PPARGC1A: variants seen among roughly 807,000 people sequenced by gnomAD.
PPARGC1A encodes the protein peroxisome proliferator-activated receptor gamma coactivator 1-alpha.
In PPARGC1A, 25 loss-of-function variants were observed where a neutral mutation model predicts 88.7. The ratio of observed to expected loss-of-function variants is 0.28; its 90% CI spans 0.21 to 0.39. The LOEUF (loss-of-function observed/expected upper bound fraction) is 0.39, where lower values mean the gene tolerates loss of function less well. PPARGC1A is among the 10% of genes least tolerant of loss of function. PPARGC1A has a pLI of 1.00. For missense variants in PPARGC1A, 880 were observed against 968.7 expected (o/e 0.91, Z 1.22); for synonymous variants, 363 against 355.6 (o/e 1.02, Z -0.24).
chr4:24,009,810 C>T, the PPARGC1A span, among the ~76,000 whole-genome samples: 3 of 152,164 alleles, frequency 2.0e-5, no homozygotes, highest in Non-Finnish European at 4.4e-5. Context: ...TCATTCCCAC[C>T]TTTATTGGGA....
At chr4:24,250,969 T>C in the PPARGC1A span, among the ~76,000 whole-genome samples, 1 of 152,216 alleles carries the variant, frequency 6.6e-6, no homozygotes, top group African/African-American at 2.4e-5. Flanking sequence ...GCCAAACTCA[T>C]CTGGGGAACA....
chr4:24,133,816 T>C, the PPARGC1A span, among the ~76,000 whole-genome samples: 4 of 152,352 alleles, frequency 2.6e-5, no homozygotes, highest in South Asian at 8.3e-4. Context: ...GTTCTGTAGT[T>C]AATGTCCCAG....
chr4:23,838,571 G>T (rs1384010941), intron 2 of PPARGC1A, among the ~76,000 whole-genome samples: 2 of 152,088 alleles, frequency 1.3e-5, no homozygotes, highest in African/African-American at 4.8e-5. Flanking sequence ...AATGCTTTTT[G>T]TCCACTCATT....
chr4:24,314,469 G>A, the PPARGC1A span, among the ~76,000 whole-genome samples: 1 of 152,122 alleles, frequency 6.6e-6, no homozygotes, highest in East Asian at 1.9e-4. Context: ...TAAGGAATGG[G>A]CTCTTACCAG....
the PPARGC1A span, among the ~76,000 whole-genome samples, chr4:24,135,199 G>T: frequency 6.6e-6 from 1 of 151,896 alleles, no homozygotes; most frequent in African/African-American, 2.4e-5. Context: ...GTGCAATTTG[G>T]CACCACCAAT....
chr4:24,210,809 G>A, the PPARGC1A span, among the ~76,000 whole-genome samples: 2 of 152,174 alleles, frequency 1.3e-5, no homozygotes, highest in South Asian at 4.1e-4. Flanking sequence ...TCAAAAGCAG[G>A]CGGGAGCTGC....
the PPARGC1A span, among the ~76,000 whole-genome samples, chr4:24,467,194 G>A: frequency 2.6e-5 from 4 of 152,090 alleles, no homozygotes; most frequent in Admixed American, 6.5e-5. Flanking sequence ...CAGCCTTATT[G>A]GAAGACCTGC....
chr4:24,193,979 A>T, the PPARGC1A span, among the ~76,000 whole-genome samples: 13 of 152,124 alleles, frequency 8.5e-5, no homozygotes, highest in Admixed American at 8.5e-4. Context: ...AAATACAAAA[A>T]TTAGCCAGGC....
chr4:24,139,401 A>C, the PPARGC1A span, among the ~76,000 whole-genome samples: 10 of 152,176 alleles, frequency 6.6e-5, no homozygotes, highest in East Asian at 1.5e-3. Context: ...GAAACTTCTT[A>C]ATGACACATT....
chr4:23,997,066 G>A, the PPARGC1A span, among the ~76,000 whole-genome samples: 1 of 152,156 alleles, frequency 6.6e-6, no homozygotes, highest in Admixed American at 6.5e-5. Context: ...GGTAGTATAT[G>A]TGCCATATTT....
chr4:24,008,464 C>T, the PPARGC1A span, among the ~76,000 whole-genome samples: 12 of 152,038 alleles, frequency 7.9e-5, no homozygotes, highest in African/African-American at 1.2e-4. Context: ...TGAAGCCATA[C>T]GAACAACTAA....
chr4:24,111,258 A>C, the PPARGC1A span, among the ~76,000 whole-genome samples: 1 of 151,978 alleles, frequency 6.6e-6, no homozygotes, highest in African/African-American at 2.4e-5. Context: ...TATTGACTTC[A>C]TTATTTGAAG....
chr4:23,843,054 G>A (rs1003601986), intron 2 of PPARGC1A, among the ~76,000 whole-genome samples: 3 of 151,990 alleles, frequency 2.0e-5, no homozygotes, highest in Admixed American at 6.6e-5. Context: ...TTCACTTCCC[G>A]AATTTGTTTT....
chr4:23,918,399 TTTAGTAGAGA>T, the PPARGC1A span, among the ~76,000 whole-genome samples: 1 of 151,954 alleles, frequency 6.6e-6, no homozygotes, highest in African/African-American at 2.4e-5. Context: ...TTTTTGCATT[TTTAGTAGAGA>T]CGGGGTTTCA....
chr4:24,233,510 C>A, the PPARGC1A span, among the ~76,000 whole-genome samples: 1 of 152,014 alleles, frequency 6.6e-6, no homozygotes, highest in Non-Finnish European at 1.5e-5. Context: ...ACATTCTACA[C>A]ATACCAGACT....
chr4:24,033,406 G>GACACAC, the PPARGC1A span, among the ~76,000 whole-genome samples: 1 of 91,580 alleles, frequency 1.1e-5, no homozygotes, highest in Non-Finnish European at 2.0e-5. Context: ...GATGTAGACA[G>GACACAC]ACAGACACAC....
chr4:24,387,761 AG>A, the PPARGC1A span, among the ~76,000 whole-genome samples: 196 of 83,322 alleles, frequency 2.4e-3, 2 homozygotes, highest in African/African-American at 7.8e-3. Flanking sequence ...AGAGAGAGAG[AG>A]AGAGAGAAAG....
intron 7 of PPARGC1A, among the ~76,000 whole-genome samples, chr4:23,823,180 T>C (rs2109585532): frequency 6.6e-6 from 1 of 151,894 alleles, no homozygotes; most frequent in South Asian, 2.1e-4. Flanking sequence ...TAGTTGTGGA[T>C]GGGTGGAATT....
chr4:24,250,058 G>A, the PPARGC1A span, among the ~76,000 whole-genome samples: 4 of 152,162 alleles, frequency 2.6e-5, no homozygotes, highest in East Asian at 1.9e-4. Context: ...TATGATGCTC[G>A]TCCTCAGGAT....
Sources: gnomAD v4.1 joint callset for allele counts (sites outside exome capture counted in the v4.1 genomes callset) on GRCh38, gnomAD v4.1.1 for gene constraint, MANE v1.5 for transcripts, NCBI Gene and HGNC (gene_info 2026-07-23, HGNC 2026-07-21) for gene names.